SLC9B2: variants seen among roughly 807,000 people sequenced by gnomAD.
The protein encoded by SLC9B2 is sodium/hydrogen exchanger 9B2.
In SLC9B2, 39 loss-of-function variants were observed where a neutral mutation model predicts 52.2. That is an observed-to-expected ratio of 0.75 (90% CI 0.58 to 0.98). The LOEUF (loss-of-function observed/expected upper bound fraction) is 0.98. SLC9B2 is among the 50% of genes least tolerant of loss of function. The pLI, the probability that SLC9B2 is intolerant of heterozygous loss-of-function variation, is 0.00. For synonymous variants in SLC9B2, 214 were observed against 227.0 expected, an observed-to-expected ratio of 0.94 and a Z score of 0.51; for missense variants, 626 against 637.5, an observed-to-expected ratio of 0.98 and a Z score of 0.19.
chr4:103,071,599 G>C (rs12108271), intron 1 of SLC9B2, among the ~76,000 whole-genome samples: 2 of 151,662 alleles, frequency 1.3e-5, no homozygotes, highest in African/African-American at 4.9e-5. Context: ...GGATGGTCTC[G>C]ATCTCTTGAC....
chr4:103,020,269 CG>C, downstream of SLC9B2: 1 of 339,232 alleles, frequency 2.9e-6, no homozygotes, highest in Admixed American at 4.4e-5. Context: ...TTTTTTTTTC[CG>C]CATGAAATCT....
intron 4 of SLC9B2, among the ~76,000 whole-genome samples, chr4:103,057,273 T>TATATATATATATAC (rs1220375909): frequency 7.0e-6 from 1 of 143,224 alleles, no homozygotes; most frequent in African/African-American, 2.6e-5. Flanking sequence ...TATATATATA[T>TATATATATATATAC]ACACACACAC....
At chr4:103,039,387 T>G (rs1269318996) in intron 9 of SLC9B2, among the ~76,000 whole-genome samples, 1 of 152,214 alleles carries the variant, frequency 6.6e-6, no homozygotes, top group Non-Finnish European at 1.5e-5. Context: ...AACTTGCACA[T>G]GGTCAGACAC....
intron 3 of SLC9B2, among the ~76,000 whole-genome samples, chr4:103,062,000 G>A (rs1401185248): frequency 6.6e-6 from 1 of 152,198 alleles, no homozygotes; most frequent in African/African-American, 2.4e-5. Flanking sequence ...AGCTACAAGG[G>A]TTGAAATTTC....
chr4:103,062,591 A>C (rs1745762287), intron 3 of SLC9B2, among the ~76,000 whole-genome samples: 1 of 152,174 alleles, frequency 6.6e-6, no homozygotes, highest in Non-Finnish European at 1.5e-5. Context: ...GATTATGGAA[A>C]ACCACAAATT....
chr4:103,048,419 T>C (rs1347602980), intron 6 of SLC9B2, among the ~76,000 whole-genome samples: 3 of 152,240 alleles, frequency 2.0e-5, no homozygotes, highest in South Asian at 2.1e-4. Flanking sequence ...TTCTTGCCTC[T>C]TATTAGCACT....
At chr4:103,037,863 C>CTTT (rs58606567) in intron 9 of SLC9B2, among the ~76,000 whole-genome samples, 1 of 141,708 alleles carries the variant, frequency 7.1e-6, no homozygotes, top group African/African-American at 2.6e-5. Flanking sequence ...AAAGGTAAGA[C>CTTT]TTTTTTTTTT....
At chr4:103,035,166 G>A (rs962035449) in intron 9 of SLC9B2, among the ~76,000 whole-genome samples, 2 of 152,022 alleles carry the variant, frequency 1.3e-5, no homozygotes, top group African/African-American at 4.8e-5. Context: ...GCCCCAGTGT[G>A]TGTTGTTCTC....
intron 9 of SLC9B2, among the ~76,000 whole-genome samples, chr4:103,039,844 C>T (rs1743485913): frequency 6.6e-6 from 1 of 151,866 alleles, no homozygotes; most frequent in Admixed American, 6.6e-5. Context: ...GATGGGGTTT[C>T]ACCATGCTGG....
intron 1 of SLC9B2, among the ~76,000 whole-genome samples, chr4:103,074,948 G>A (rs1449171555): frequency 6.6e-6 from 1 of 152,116 alleles, no homozygotes; most frequent in African/African-American, 2.4e-5. Flanking sequence ...CAACAAACAA[G>A]AGCTATTAAG....
chr4:103,026,423 C>T lies in SLC9B2; in HGVS notation c.1561G>A (p.Glu521Lys). The stretch of plus-strand genomic sequence containing the variant: ...ACTTCTTCATCTTTATTTTGATGTT[C>T]AACTTTCTGCAGAAGCCTGGGGCCC... Reference protein sequence around the residue: ...LLGPRLLQKVEHQNKDEEVQG... With the variant: ...LLGPRLLQKVKHQNKDEEVQG... The change falls in exon 12 of 12, where the codon GAA becomes AAA. Residue 521 changes from glutamate to lysine, a missense_variant. By Grantham distance (56) the Glu-to-Lys change is moderately conservative. Transcript: ENST00000394785. 6.2e-7 allele frequency: 1 copy of T among 1,613,718 alleles called. No homozygotes were observed. Among genetic ancestry groups the T allele is most frequent in the Non-Finnish European group, 8.5e-7 (1 of 1,179,818 alleles).
At chr4:103,063,193 G>A (rs958178151) in intron 3 of SLC9B2, among the ~76,000 whole-genome samples, 1 of 151,984 alleles carries the variant, frequency 6.6e-6, no homozygotes, top group Non-Finnish European at 1.5e-5. Flanking sequence ...AATAATAAAA[G>A]TTTAAAAAAA....
chr4:103,065,561 A>C (rs756431831), intron 3 of SLC9B2: 1 of 152,192 alleles, frequency 6.6e-6, no homozygotes, highest in African/African-American at 2.4e-5. Flanking sequence ...TCTTCTTAAA[A>C]AAACCTAATT....
intron 1 of SLC9B2, among the ~76,000 whole-genome samples, chr4:103,069,594 A>G (rs995288151): frequency 2.0e-5 from 3 of 152,212 alleles, no homozygotes; most frequent in Non-Finnish European, 2.9e-5. Flanking sequence ...TGCTTTCCCT[A>G]TTAAGCAAGA....
intron 3 of SLC9B2, among the ~76,000 whole-genome samples, chr4:103,059,890 G>A (rs4698877): frequency 0.96 from 145,806 of 152,218 alleles, 69,868 homozygotes; most frequent in East Asian, 1. Context: ...CATTCTTAAA[G>A]GATAGTTTTT....
chr4:103,067,773 T>C lies in SLC9B2; in HGVS notation c.-42-181A>G, dbSNP rs140308403. On this transcript the variant is annotated intron_variant, in intron 1 of 11. Transcript: ENST00000394785. Reference sequence around the variant, plus strand: ...GCTTGATTCTAGTATATTATCATCATTCTTATCTACCTTTTTATTTTTCTT... The same window carrying C: ...GCTTGATTCTAGTATATTATCATCACTCTTATCTACCTTTTTATTTTTCTT... Among the ~76,000 whole-genome samples, 447 of 152,334 alleles carry C rather than the reference T, an allele frequency of 2.9e-3. 1 individual carries two copies. The highest frequency in any genetic ancestry group is 4.3e-3 in the Non-Finnish European group (290 of 68,032).
intron 11 of SLC9B2, among the ~76,000 whole-genome samples, chr4:103,026,848 TA>T (rs907628044): frequency 7.3e-5 from 11 of 151,518 alleles, no homozygotes; most frequent in African/African-American, 1.5e-4. Flanking sequence ...AATAATAAAA[TA>T]AAAAAAAAGA....
At chr4:103,030,487 T>C (rs999008713) in intron 10 of SLC9B2, among the ~76,000 whole-genome samples, 1 of 151,548 alleles carries the variant, frequency 6.6e-6, no homozygotes, top group South Asian at 2.1e-4. Context: ...GTGTGAGAGG[T>C]TGGCAGGTTG....
At chr4:103,030,100 AG>A (rs1390732446) in intron 10 of SLC9B2, among the ~76,000 whole-genome samples, 3 of 152,198 alleles carry the variant, frequency 2.0e-5, no homozygotes, top group Non-Finnish European at 4.4e-5. Context: ...GTTTGAGAAG[AG>A]GATGAGAAGG....
Sources: allele counts gnomAD v4.1 joint callset (sites outside exome capture counted in the v4.1 genomes callset), GRCh38; gene constraint gnomAD v4.1.1; transcripts MANE v1.5; gene names NCBI Gene and HGNC (gene_info 2026-07-23, HGNC 2026-07-21).